Variants in FSTL1 observed in about 807,000 individuals in gnomAD.
FSTL1 encodes the protein follistatin-related protein 1.
A neutral mutation model predicts 45.9 loss-of-function variants in FSTL1; 24 were observed. That is an observed-to-expected ratio of 0.52 (90% CI 0.38 to 0.74). The LOEUF (loss-of-function observed/expected upper bound fraction) is 0.74. Ranked by LOEUF, FSTL1 falls within the 30% of genes least tolerant of loss-of-function variation. FSTL1 has a pLI of 0.00. For synonymous variants in FSTL1, 120 were observed against 137.6 expected (o/e 0.87, Z 0.89); for missense variants, 340 against 381.8 (o/e 0.89, Z 0.91).
At chr3:120,413,131 T>C (rs1198131609) in intron 3 of FSTL1, among the ~76,000 whole-genome samples, 1 of 152,082 alleles carries the variant, frequency 6.6e-6, no homozygotes, top group Non-Finnish European at 1.5e-5. Flanking sequence ...CTATGGTTTT[T>C]AAAGGGGAGA....
intron 2 of FSTL1, among the ~76,000 whole-genome samples, chr3:120,427,423 A>C (rs143603470): frequency 2.3e-3 from 343 of 152,178 alleles, no homozygotes; most frequent in African/African-American, 8.1e-3. Context: ...ACCTTGTGCC[A>C]CTCCATTAAC....
At chr3:120,447,118 A>G (rs1460353731) in intron 2 of FSTL1, among the ~76,000 whole-genome samples, 1 of 152,156 alleles carries the variant, frequency 6.6e-6, no homozygotes, top group African/African-American at 2.4e-5. Context: ...CCAGCCTGCC[A>G]TGTTAGAGTG....
At chr3:120,409,170 G>A (rs867241287) in intron 6 of FSTL1, among the ~76,000 whole-genome samples, 1 of 152,192 alleles carries the variant, frequency 6.6e-6, no homozygotes. Context: ...GGCCAAAGTG[G>A]TCCAGGTCTG....
intron 2 of FSTL1, among the ~76,000 whole-genome samples, chr3:120,437,417 A>C (rs780731714): frequency 2.1e-4 from 32 of 152,252 alleles, no homozygotes; most frequent in Non-Finnish European, 3.8e-4. Flanking sequence ...TAGGCTTAGA[A>C]AGAAATCAGG....
At chr3:120,398,865 G>T (rs1023252932) in intron 10 of FSTL1, among the ~76,000 whole-genome samples, 1 of 152,116 alleles carries the variant, frequency 6.6e-6, no homozygotes, top group Non-Finnish European at 1.5e-5. Context: ...TCTTTCATGG[G>T]ATTGAACTCA....
intron 2 of FSTL1, among the ~76,000 whole-genome samples, chr3:120,434,113 T>C (rs562684297): frequency 6.6e-6 from 1 of 152,116 alleles, no homozygotes; most frequent in Non-Finnish European, 1.5e-5. Context: ...TAGGTGCTAT[T>C]GCAATAGTCC....
At chr3:120,415,747 A>G (rs1283502665) in intron 3 of FSTL1, 176 bp downstream of exon 3, 4 of 506,432 alleles carry the variant, frequency 7.9e-6, no homozygotes, top group Non-Finnish European at 1.4e-5. Context: ...TAAAAGAAAA[A>G]ATATCCATGC....
chr3:120,433,781 C>T (rs1403446181), intron 2 of FSTL1, among the ~76,000 whole-genome samples: 1 of 152,128 alleles, frequency 6.6e-6, no homozygotes. Flanking sequence ...GAGAGCAATT[C>T]AGACGAAAGT....
At chr3:120,432,901 C>T (rs1254389810) in intron 2 of FSTL1, among the ~76,000 whole-genome samples, 4 of 152,188 alleles carry the variant, frequency 2.6e-5, no homozygotes, top group African/African-American at 2.4e-5. Flanking sequence ...AATGAGACTT[C>T]GCCTCTGAGA....
At chr3:120,408,618 G>C (rs869246) in intron 6 of FSTL1, among the ~76,000 whole-genome samples, 11 of 152,198 alleles carry the variant, frequency 7.2e-5, no homozygotes, top group Admixed American at 7.2e-4. Context: ...GGAGTAGATG[G>C]CTGGGGCATC....
At chr3:120,424,314 C>CA (rs1288842071) in intron 2 of FSTL1, among the ~76,000 whole-genome samples, 1 of 151,978 alleles carries the variant, frequency 6.6e-6, no homozygotes, top group Non-Finnish European at 1.5e-5. Flanking sequence ...AAAATAACAA[C>CA]AAAAAACCCA....
intron 2 of FSTL1, among the ~76,000 whole-genome samples, chr3:120,428,772 C>A (rs933324409): frequency 3.4e-5 from 5 of 148,056 alleles, no homozygotes; most frequent in East Asian, 2.0e-4. Flanking sequence ...ACAACAACAA[C>A]AAAAAACAGG....
chr3:120,448,638 C>T (rs904440509), intron 2 of FSTL1, among the ~76,000 whole-genome samples: 4 of 152,154 alleles, frequency 2.6e-5, no homozygotes, highest in African/African-American at 9.7e-5. Context: ...CTCTTTTCTC[C>T]CCCAACGCAC....
In FSTL1 at chr3:120,409,635, T is replaced by C. The variant is rs113155123; in HGVS notation, c.359A>G (p.Glu120Gly). 537 of 1,614,070 alleles carry C rather than the reference T, an allele frequency of 3.3e-4. 2 individuals carry two copies. In the African/African-American group the frequency reaches 6.4e-3, roughly 19 times the overall value. Residue 120 changes from glutamate (E) to glycine (G), a missense_variant, in exon 6 of 11, where the codon GAG (glutamate) becomes GGG (glycine). Glu to Gly is a moderately conservative substitution (Grantham distance 98, BLOSUM62 -2). Transcript: ENST00000295633. ...CCACTGGATGATGCGACGTCGGAGC[T>C]CATCACGGTTGGACTGATAGCAAAC... ...PVVCYQSNRDELRRRIIQWLE... is the reference protein window; with the variant it reads ...PVVCYQSNRDGLRRRIIQWLE...
chr3:120,409,799 C>A, intron 5 of FSTL1, 137 bp from the exon 6 acceptor site: 1 of 661,178 alleles, frequency 1.5e-6, no homozygotes, highest in Non-Finnish European at 2.6e-6. Context: ...AGGATTAGCA[C>A]ATCCAGGGTA....
rs770968995 is a variant in FSTL1, at chr3:120,402,808, C to T, written c.805G>A (p.Gly269Arg). 3 of 1,549,830 alleles carry T rather than the reference C, an allele frequency of 1.9e-6. No individual in the cohort carries two copies. Among genetic ancestry groups the T allele is most frequent in the South Asian group, 1.1e-5 (1 of 89,854 alleles). Residue 269 changes from glycine (G) to arginine (R), a missense_variant and splice_region_variant, in exon 9 of 11, where the codon GGA (glycine) becomes AGA (arginine). Transcript: ENST00000295633. ...TCTTTCTGCTTGAAGCACAGCTCACCGTCACAGGTCATGGCTGTACAGACC... is the reference window on the plus strand; with the variant it reads ...TCTTTCTGCTTGAAGCACAGCTCACTGTCACAGGTCATGGCTGTACAGACC... ...NWVCTAMTCD[G>R]KNQKGAQTQT...
At chr3:120,403,498 CTG>C in intron 7 of FSTL1, 144 bp from the exon 8 acceptor site, 2 of 597,010 alleles carry the variant, frequency 3.4e-6, no homozygotes, top group South Asian at 4.0e-5. Context: ...TCTCTCTACA[CTG>C]ACCCAACACA....
chr3:120,404,786 G>T, intron 7 of FSTL1, 67 bp downstream of exon 7: 1 of 871,182 alleles, frequency 1.1e-6, no homozygotes, highest in Non-Finnish European at 2.0e-6. Flanking sequence ...GTGGGAAAGG[G>T]TTTAAGTCCC....
At position 120,412,838 on chromosome 3, in the gene FSTL1, G is replaced by GCGCACACACA. The variant is rs1429168694; in HGVS notation, c.169-856_169-855insTGTGTGTGCG. Among the ~76,000 whole-genome samples, 129 of 106,154 alleles carry GCGCACACACA rather than the reference G, an allele frequency of 1.2e-3. 1 individual carries two copies. The highest frequency in any genetic ancestry group is 0.012 in the East Asian group (39 of 3,278). The allele number at this position is 106,154 out of a possible 152,430, so 69.6% of individuals were successfully genotyped here. A position where few individuals can be genotyped will look rare whatever the true frequency, so the allele number is the denominator to read the frequency against. On this transcript the variant is annotated intron_variant, in intron 3 of 10. Transcript: ENST00000295633. The stretch of plus-strand genomic sequence containing the variant: ...CACATGTGCGCGCGCGCGCGCGCGC[G>GCGCACACACA]CACACACACACACACACACACACAC...
Sources: allele counts gnomAD v4.1 joint callset (sites outside exome capture counted in the v4.1 genomes callset), GRCh38; gene constraint gnomAD v4.1.1; transcripts MANE v1.5; gene names NCBI Gene and HGNC (gene_info 2026-07-23, HGNC 2026-07-21).